Variants in ANKS1B observed in about 807,000 individuals in gnomAD.
ANKS1B encodes the protein ankyrin repeat and sterile alpha motif domain containing 1B.
In ANKS1B, 36 loss-of-function variants were observed where a neutral mutation model predicts 148.3. That is an observed-to-expected ratio of 0.24 (90% CI 0.19 to 0.32). The LOEUF is 0.32. ANKS1B is among the 10% of genes least tolerant of loss of function. The pLI is 1.00. For synonymous variants in ANKS1B, 542 were observed against 560.8 expected, an observed-to-expected ratio of 0.97 and a Z score of 0.47; for missense variants, 1,157 against 1,542.6, an observed-to-expected ratio of 0.75 and a Z score of 4.19.
At chr12:99,982,537 A>T (rs12371224) in intron 1 of ANKS1B, among the ~76,000 whole-genome samples, 11,051 of 152,260 alleles carry the variant, frequency 0.073, 487 homozygotes, top group South Asian at 0.085. Context: ...GTTTTTAGAC[A>T]TAATCATTTT....
At chr12:99,808,087 G>A (rs1376615498) in intron 3 of ANKS1B, among the ~76,000 whole-genome samples, 4 of 152,064 alleles carry the variant, frequency 2.6e-5, no homozygotes, top group Non-Finnish European at 5.9e-5. Flanking sequence ...GCCATGTGTT[G>A]CTATATTGTC....
intron 17 of ANKS1B, among the ~76,000 whole-genome samples, chr12:98,847,567 CGG>C (rs1355912746): frequency 6.6e-6 from 1 of 150,530 alleles, no homozygotes; most frequent in Non-Finnish European, 1.5e-5. Flanking sequence ...GCAATGAACA[CGG>C]GAGTGCAGGT....
chr12:99,662,024 G>A (rs1285965066), intron 8 of ANKS1B, among the ~76,000 whole-genome samples: 1 of 152,142 alleles, frequency 6.6e-6, no homozygotes, highest in Non-Finnish European at 1.5e-5. Context: ...AGAATCCTGG[G>A]TTCCTCATAG....
chr12:99,131,609 C>T (rs7298691), intron 15 of ANKS1B, among the ~76,000 whole-genome samples: 5,809 of 151,590 alleles, frequency 0.038, 377 homozygotes, highest in African/African-American at 0.13. Context: ...TCAATAGATA[C>T]AGGCCATTTC....
chr12:98,884,566 G>A (rs531271600), intron 17 of ANKS1B, among the ~76,000 whole-genome samples: 19 of 152,032 alleles, frequency 1.2e-4, no homozygotes, highest in East Asian at 3.9e-4. Context: ...TTGGGAGGCC[G>A]AGGCGGGTGG....
At chr12:99,173,162 T>C (rs1300225989) in intron 14 of ANKS1B, among the ~76,000 whole-genome samples, 1 of 152,180 alleles carries the variant, frequency 6.6e-6, no homozygotes, top group Non-Finnish European at 1.5e-5. Flanking sequence ...ATTTTTTTCA[T>C]CTTAGCCTAT....
At chr12:99,200,275 A>G (rs955956852) in intron 14 of ANKS1B, among the ~76,000 whole-genome samples, 1 of 152,226 alleles carries the variant, frequency 6.6e-6, no homozygotes, top group East Asian at 1.9e-4. Flanking sequence ...AATATTTATG[A>G]TTTTGAGAAA....
intron 8 of ANKS1B, among the ~76,000 whole-genome samples, chr12:99,674,207 CAAAT>C (rs1567616022): frequency 1.3e-5 from 2 of 151,684 alleles, no homozygotes; most frequent in Admixed American, 6.6e-5. Context: ...AAATCTTCCT[CAAAT>C]AAAAGTGTAT....
At chr12:99,937,215 T>C (rs11110140) in intron 1 of ANKS1B, among the ~76,000 whole-genome samples, 10,183 of 152,196 alleles carry the variant, frequency 0.067, 402 homozygotes, top group Non-Finnish European at 0.081. Context: ...CACCACCTCA[T>C]TGACAGCAGG....
chr12:99,743,786 A>C (rs1405646520), intron 8 of ANKS1B, among the ~76,000 whole-genome samples: 1 of 152,220 alleles, frequency 6.6e-6, no homozygotes, highest in Non-Finnish European at 1.5e-5. Context: ...CAACAGCCTT[A>C]GAAAATGGAG....
chr12:98,912,653 G>T (rs765247472), intron 17 of ANKS1B, among the ~76,000 whole-genome samples: 1 of 152,146 alleles, frequency 6.6e-6, no homozygotes, highest in African/African-American at 2.4e-5. Context: ...ATAAATATTT[G>T]TCTGTTTGAT....
In ANKS1B at chr12:99,690,713, C is replaced by T. The variant is rs369400283; in HGVS notation, c.1129-35503G>A. Among the ~76,000 whole-genome samples the T allele has an allele frequency of 1.7e-4, 26 of 152,302 alleles. No homozygotes were observed. In the East Asian group the frequency reaches 3.3e-3, roughly 19 times the overall value. On this transcript the variant is annotated intron_variant, in intron 8 of 26. Transcript: ENST00000683438. ...CCTGTGGCTCTGCAGGGTACAGCCCCCATACTGGCTGCTTCCACAGGCTGG... is the reference window on the plus strand; with the variant it reads ...CCTGTGGCTCTGCAGGGTACAGCCCTCATACTGGCTGCTTCCACAGGCTGG...
rs545821817 is a variant in ANKS1B at position 99,693,882 on chromosome 12, G to A, written c.1129-38672C>T. Among the ~76,000 whole-genome samples, 65 of 149,952 alleles carry A rather than the reference G, an allele frequency of 4.3e-4. 3 individuals are homozygous for A. The highest frequency in any genetic ancestry group is 2.5e-3 in the South Asian group (12 of 4,708). ...TGCAAGCTCTGCCTCCCGGGTTCAC[G>A]CCATTCTCCTGCCTCAGCCTCCCGA... On this transcript the variant is annotated intron_variant, in intron 8 of 26. Coordinates refer to ENST00000683438, the MANE Select transcript of ANKS1B (RefSeq NM_001352186.2).
chr12:99,960,099 G>A (rs1395116581), intron 1 of ANKS1B, among the ~76,000 whole-genome samples: 1 of 152,160 alleles, frequency 6.6e-6, no homozygotes, highest in African/African-American at 2.4e-5. Context: ...AGCAAAATGT[G>A]TGCTATATAA....
intron 9 of ANKS1B, among the ~76,000 whole-genome samples, chr12:99,535,068 A>G (rs995459603): frequency 3.9e-5 from 6 of 152,186 alleles, no homozygotes; most frequent in Admixed American, 2.0e-4. Context: ...TTTTGATGGC[A>G]TAAAATTCTG....
At chr12:99,697,800 G>T (rs1035532420) in intron 8 of ANKS1B, among the ~76,000 whole-genome samples, 20 of 152,126 alleles carry the variant, frequency 1.3e-4, no homozygotes, top group Admixed American at 1.2e-3. Flanking sequence ...CCACATTAAT[G>T]TAAGATGTTA....
intron 15 of ANKS1B, among the ~76,000 whole-genome samples, chr12:99,144,035 A>T (rs2072022831): frequency 6.6e-6 from 1 of 152,144 alleles, no homozygotes; most frequent in Middle Eastern, 3.2e-3. Flanking sequence ...GAATAATACT[A>T]CATACTGTGT....
chr12:99,329,391 T>G (rs2087062859), intron 12 of ANKS1B, among the ~76,000 whole-genome samples: 2 of 152,062 alleles, frequency 1.3e-5, no homozygotes, highest in South Asian at 4.1e-4. Context: ...TTATAAATGA[T>G]GTTGTAATGA....
At chr12:98,967,197 T>G (rs1024361564) in intron 17 of ANKS1B, among the ~76,000 whole-genome samples, 1 of 152,204 alleles carries the variant, frequency 6.6e-6, no homozygotes, top group South Asian at 2.1e-4. Context: ...GAGTCAAATA[T>G]CAAAAAAATG....
Sources: allele counts gnomAD v4.1 joint callset (sites outside exome capture counted in the v4.1 genomes callset), GRCh38; gene constraint gnomAD v4.1.1; transcripts MANE v1.5; gene names NCBI Gene and HGNC (gene_info 2026-07-23, HGNC 2026-07-21).